Variants in SRBD1 observed in about 807,000 individuals in gnomAD.
SRBD1 encodes S1 RNA binding domain 1.
A neutral mutation model predicts 115.3 loss-of-function variants in SRBD1; 88 were observed. That is an observed-to-expected ratio of 0.76 (90% CI 0.64 to 0.91). The LOEUF (loss-of-function observed/expected upper bound fraction) is 0.91. Among genes scored for constraint, SRBD1 ranks in the 40% least tolerant of loss-of-function variants. The probability of loss-of-function intolerance (pLI) is 0.00; values close to 1 mark genes in which losing one functional copy is unlikely to be tolerated. For synonymous variants in SRBD1, 509 were observed against 407.7 expected (o/e 1.25, Z -2.99); for missense variants, 1,385 against 1,177.4 (o/e 1.18, Z -2.58).
chr2:45,398,729 T>C (rs1043052351), intron 19 of SRBD1, among the ~76,000 whole-genome samples: 10 of 149,102 alleles, frequency 6.7e-5, no homozygotes, highest in Non-Finnish European at 1.2e-4. Flanking sequence ...TTTTCAGAAA[T>C]AGTTGAACAG....
chr2:45,558,580 C>A (rs1309592725), intron 10 of SRBD1, among the ~76,000 whole-genome samples: 2 of 151,696 alleles, frequency 1.3e-5, no homozygotes, highest in Non-Finnish European at 2.9e-5. Context: ...TATGTAATGA[C>A]AAGACTGCCA....
chr2:45,498,577 A>G (rs890793607), intron 14 of SRBD1, among the ~76,000 whole-genome samples: 11 of 152,190 alleles, frequency 7.2e-5, no homozygotes, highest in African/African-American at 2.2e-4. Flanking sequence ...ATTTAAAAAT[A>G]TATAATAAAT....
chr2:45,449,137 C>G (rs953089097), intron 16 of SRBD1, among the ~76,000 whole-genome samples: 10 of 152,088 alleles, frequency 6.6e-5, no homozygotes, highest in African/African-American at 2.4e-4. Flanking sequence ...CTTTACTTTT[C>G]CAGTTTTCAA....
chr2:45,548,436 A>G (rs1672188176), intron 12 of SRBD1, among the ~76,000 whole-genome samples: 1 of 152,076 alleles, frequency 6.6e-6, no homozygotes, highest in African/African-American at 2.4e-5. Context: ...GATATCTACC[A>G]TTATAAACAA....
intron 10 of SRBD1, among the ~76,000 whole-genome samples, chr2:45,561,605 C>G (rs1159109727): frequency 2.6e-5 from 4 of 152,190 alleles, no homozygotes; most frequent in Non-Finnish European, 5.9e-5. Flanking sequence ...CTCCTAGCTG[C>G]TAGGAAGCCA....
intron 10 of SRBD1, 55 bp downstream of exon 10, chr2:45,562,598 G>T: frequency 7.5e-7 from 1 of 1,329,434 alleles, no homozygotes. Flanking sequence ...ATAGATATCG[G>T]TATCATATTT....
At chr2:45,493,293 T>A (rs1347371403) in intron 14 of SRBD1, among the ~76,000 whole-genome samples, 1 of 152,036 alleles carries the variant, frequency 6.6e-6, no homozygotes, top group Non-Finnish European at 1.5e-5. Context: ...TATTTGCATA[T>A]GAGATAACCT....
intron 9 of SRBD1, among the ~76,000 whole-genome samples, chr2:45,565,682 T>C (rs1672806180): frequency 6.6e-6 from 1 of 152,216 alleles, no homozygotes; most frequent in South Asian, 2.1e-4. Context: ...GAAAAGAAAA[T>C]GCACGGCATG....
At chr2:45,456,743 T>G (rs1373723934) in intron 16 of SRBD1, among the ~76,000 whole-genome samples, 1 of 151,904 alleles carries the variant, frequency 6.6e-6, no homozygotes, top group Non-Finnish European at 1.5e-5. Context: ...AAACTATCTA[T>G]AACCCTGTGT....
intron 14 of SRBD1, among the ~76,000 whole-genome samples, chr2:45,513,583 G>C (rs567579043): frequency 6.6e-6 from 1 of 152,216 alleles, no homozygotes; most frequent in South Asian, 2.1e-4. Flanking sequence ...ATTTGGCAGA[G>C]TTTAGGACCT....
rs1396234077 is a variant in SRBD1, at chr2:45,488,264, G to A, written c.1942C>T (p.Leu648=). 2 of 1,613,824 alleles carry A rather than the reference G, an allele frequency of 1.2e-6. No homozygotes were observed. Among genetic ancestry groups the A allele is most frequent in the Non-Finnish European group, 1.7e-6 (2 of 1,179,944 alleles). Residue 648 remains leucine (L), a synonymous_variant, in exon 15 of 21, where the codon CTG becomes TTG. Transcript: ENST00000263736. The part of the protein sequence containing the change: ...SPEANKEMPG[L]DPNLRSAVSI... ...CCTGCACTTCTCAAATTAGGGTCCA[G>A]CCCTGGCATCTCTTTGTTAGCTTCA... is the stretch of plus-strand genomic sequence containing the variant.
At chr2:45,429,888 C>T (rs200064761) in intron 16 of SRBD1, among the ~76,000 whole-genome samples, 3 of 152,110 alleles carry the variant, frequency 2.0e-5, no homozygotes, top group Non-Finnish European at 4.4e-5. Flanking sequence ...ATATTTAGAA[C>T]ACCCCATCGT....
chr2:45,575,929 C>A (rs892820390), intron 7 of SRBD1, among the ~76,000 whole-genome samples: 2 of 152,168 alleles, frequency 1.3e-5, no homozygotes, highest in Non-Finnish European at 2.9e-5. Flanking sequence ...GTCTCGAACT[C>A]GTGACCTCAA....
At chr2:45,598,718 C>T (rs1673985701) in intron 4 of SRBD1, among the ~76,000 whole-genome samples, 1 of 152,108 alleles carries the variant, frequency 6.6e-6, no homozygotes, top group East Asian at 1.9e-4. Context: ...CAGGATCCAG[C>T]AGAGGCCCTC....
chr2:45,454,638 A>T (rs956126292), intron 16 of SRBD1, among the ~76,000 whole-genome samples: 6 of 151,834 alleles, frequency 4.0e-5, no homozygotes, highest in Admixed American at 3.9e-4. Context: ...CTCTGCTTGC[A>T]GGTAAAAAAT....
chr2:45,404,445 A>G (rs1348992303), intron 19 of SRBD1, among the ~76,000 whole-genome samples: 1 of 152,118 alleles, frequency 6.6e-6, no homozygotes, highest in Non-Finnish European at 1.5e-5. Context: ...CCTCCAATAC[A>G]GTGAGTTTCC....
rs77448660 is a variant in SRBD1 at position 45,502,978 on chromosome 2, C to T, written c.1875-14647G>A. 5.3e-3 allele frequency among the ~76,000 whole-genome samples: 803 copies of T among 152,208 alleles called. 3 individuals carry two copies. Among genetic ancestry groups the T allele is most frequent in the Non-Finnish European group, 8.5e-3 (578 of 68,018 alleles). On this transcript the variant is annotated intron_variant, in intron 14 of 20. Transcript: ENST00000263736. ...GGGATGACAGGCATAAGCCACTGCG[C>T]CCAGCAAAAGTTTTTAATTTTGATG...
At position 45,472,757 on chromosome 2, in the gene SRBD1, T is replaced by A. The variant is rs949180338; in HGVS notation, c.2049+4236A>T. 2.0e-5 allele frequency among the ~76,000 whole-genome samples: 3 copies of A among 152,344 alleles called. No homozygotes were observed. The East Asian group carries it at 5.8e-4, about 29-fold the overall frequency. On this transcript the variant is annotated intron_variant, in intron 16 of 20. Coordinates refer to ENST00000263736, the MANE Select transcript of SRBD1 (RefSeq NM_018079.5). ...TAGAAAAGTTTGTAATATGCATATT[T>A]CTTGAAGCTATGCTGTTAGGTAACA...
intron 14 of SRBD1, among the ~76,000 whole-genome samples, chr2:45,489,829 T>C (rs747684080): frequency 6.6e-6 from 1 of 151,640 alleles, no homozygotes; most frequent in Non-Finnish European, 1.5e-5. Context: ...CCTTAAATAG[T>C]TTCTCAAACT....
Sources: allele counts gnomAD v4.1 joint callset (sites outside exome capture counted in the v4.1 genomes callset), GRCh38; gene constraint gnomAD v4.1.1; transcripts MANE v1.5; gene names NCBI Gene and HGNC (gene_info 2026-07-23, HGNC 2026-07-21).